Variants in MUC5AC observed in about 807,000 individuals in gnomAD.
MUC5AC encodes mucin 5AC, oligomeric mucus/gel-forming.
Under a neutral mutation model 169.7 loss-of-function variants are expected in MUC5AC, and 158 were observed. That is an observed-to-expected ratio of 0.93 (90% CI 0.82 to 1.06). The LOEUF (loss-of-function observed/expected upper bound fraction) is 1.06, where lower values mean the gene tolerates loss of function less well. Among genes scored for constraint, MUC5AC ranks in the 50% least tolerant of loss-of-function variants. MUC5AC has a pLI of 0.00. For synonymous variants in MUC5AC, 1,975 were observed against 1,237.0 expected (o/e 1.60, Z -12.52); for missense variants, 4,359 against 3,089.9 (o/e 1.41, Z -9.74).
At position 1,174,799 on chromosome 11, in the gene MUC5AC, C is replaced by T. The variant is rs1364112300; in HGVS notation, c.2093-83C>T. 3.5e-5 allele frequency: 16 copies of T among 453,596 alleles called. 1 individual carries two copies. The highest frequency in any genetic ancestry group is 7.0e-5 in the East Asian group (2 of 28,724). The allele number at this position is 453,596 out of a possible 1,614,324, so 28.1% of individuals were successfully genotyped here. On this transcript the variant is annotated intron_variant, in intron 17 of 48. Coordinates refer to ENST00000621226, the MANE Select transcript of MUC5AC (RefSeq NM_001304359.2). ...GCCGAGGAGGGGAGGGGAGGGTAGC[C>T]GAGAGGGCTGGGCTCACTCACTGCT...
chr11:1,189,272 A>C lies in MUC5AC; in HGVS notation c.11127A>C (p.Thr3709=), dbSNP rs1339260148. The C allele has an allele frequency of 1.7e-6, 1 of 586,304 alleles. No homozygotes were observed. Among genetic ancestry groups the C allele is most frequent in the Non-Finnish European group, 3.0e-6 (1 of 329,722 alleles). The allele number at this position is 586,304 out of a possible 1,614,324, so 36.3% of individuals were successfully genotyped here. A position where few individuals can be genotyped will look rare whatever the true frequency, so the allele number is the denominator to read the frequency against. The change falls in exon 31 of 49, where the codon ACA becomes ACC. Residue 3709 remains threonine, a synonymous_variant. Transcript: ENST00000621226. ...CAACGAGCACAACTTCTGCCCCTACAACCAGCACAACCTCCACTCCACAGA... is the reference window on the plus strand; with the variant it reads ...CAACGAGCACAACTTCTGCCCCTACCACCAGCACAACCTCCACTCCACAGA... ...APTTSTTSAP[T]TSTTSTPQTT... is the part of the protein sequence containing the mutation.
rs1007937986 is a variant in MUC5AC, at chr11:1,161,461, T to A, written c.152-66T>A. The stretch of plus-strand genomic sequence containing the variant: ...GACCTGCTGACTCTGGAACGTCTCC[T>A]CTGGCTGCGGAGCCCCCGCCCCACG... On this transcript the variant is annotated intron_variant, in intron 2 of 48. Transcript: ENST00000621226. 58 of 1,354,790 alleles carry A rather than the reference T, an allele frequency of 4.3e-5. No individual in the cohort carries two copies. The Middle Eastern group carries it at 7.7e-4, about 18-fold the overall frequency. The allele number at this position is 1,354,790 out of a possible 1,614,324, so 83.9% of individuals were successfully genotyped here. A position where few individuals can be genotyped will look rare whatever the true frequency, so the allele number is the denominator to read the frequency against.
At chr11:1,161,418 T>G (rs1860136848) in intron 2 of MUC5AC, 109 bp from the exon 3 acceptor site, 1 of 865,642 alleles carries the variant, frequency 1.2e-6, no homozygotes, top group East Asian at 3.0e-5. Context: ...CGGAGTTGGC[T>G]TCGGAGCCAG....
At chr11:1,173,305 C>T (rs1445494300) in intron 16 of MUC5AC, among the ~76,000 whole-genome samples, 25,555 of 146,378 alleles carry the variant, frequency 0.17, 2,370 homozygotes, top group Non-Finnish European at 0.2. Flanking sequence ...ACTCACTCAC[C>T]CACTCACTCA....
Position 1,197,917 on chromosome 11 carries a change from C to A in MUC5AC, c.16048C>A (p.Arg5350Ser). 1.4e-6 allele frequency: 1 copy of A among 727,150 alleles called. No homozygotes were observed. Among genetic ancestry groups the A allele is most frequent in the East Asian group, 2.5e-5 (1 of 39,260 alleles). The allele number at this position is 727,150 out of a possible 1,614,324, so 45.0% of individuals were successfully genotyped here. The change falls in exon 42 of 49, where the codon CGC becomes AGC. Residue 5350 changes from arginine (R) to serine (S), a missense_variant. By Grantham distance (110) the Arg-to-Ser change is moderately radical. Coordinates refer to ENST00000621226, the MANE Select transcript of MUC5AC (RefSeq NM_001304359.2). ...PQYSCACNTS[R>S]CPAPVGCPEG... ...CGCCCCCGCAGCCTGCAACACCAGCCGCTGCCCCGCGCCCGTGGGCTGTCC... is the reference window on the plus strand; with the variant it reads ...CGCCCCCGCAGCCTGCAACACCAGCAGCTGCCCCGCGCCCGTGGGCTGTCC...
chr11:1,167,845 T>C, intron 11 of MUC5AC, 32 bp from the exon 12 acceptor site: 1 of 1,531,484 alleles, frequency 6.5e-7, no homozygotes, highest in Non-Finnish European at 8.8e-7. Flanking sequence ...TTGGATGGAG[T>C]GTGAGGACCC....
intron 6 of MUC5AC, 100 bp downstream of exon 6, chr11:1,163,145 C>CAGAT: frequency 9.0e-7 from 1 of 1,107,326 alleles, no homozygotes; most frequent in South Asian, 1.3e-5. Flanking sequence ...CACACATGCA[C>CAGAT]AGATACACGG....
Position 1,186,286 on chromosome 11 carries a change from C to A in MUC5AC, c.8141C>A (p.Thr2714Lys). Residue 2714 changes from threonine (T) to lysine (K), a missense_variant, in exon 31 of 49, where the codon ACA becomes AAA. By Grantham distance (78) the Thr-to-Lys change is moderately conservative. Transcript: ENST00000621226. ...ACCAGCACAACCTCTGCTCCCACAA[C>A]AAGCACAACCTCTGCCCCTACAACC... ...PTTSTTSAPT[T>K]STTSAPTTST... The A allele has an allele frequency of 1.4e-6, 1 of 733,810 alleles. No homozygotes were observed. Among genetic ancestry groups the A allele is most frequent in the South Asian group, 1.4e-5 (1 of 70,486 alleles). 45.5% of individuals were successfully genotyped at this position (733,810 alleles called of 1,614,324 possible). A position where few individuals can be genotyped will look rare whatever the true frequency, so the allele number is the denominator to read the frequency against.
Position 1,194,620 on chromosome 11 carries a change from C to T in MUC5AC, c.15140C>T (p.Ser5047Phe), listed in dbSNP as rs1454325758. ...VQVMFSGLIF[S>F]VEVPFSKFAN... ...GTCATGTTCTCCGGCCTCATCTTCTCCGTGGAGGTGCCCTTCAGCAAGTTT... is the reference window on the plus strand; with the variant it reads ...GTCATGTTCTCCGGCCTCATCTTCTTCGTGGAGGTGCCCTTCAGCAAGTTT... The change falls in exon 35 of 49, where the codon TCC becomes TTC. Residue 5047 changes from serine (S) to phenylalanine (F), a missense_variant. Transcript: ENST00000621226. The T allele has an allele frequency of 1.3e-6, 1 of 764,284 alleles. No homozygotes were observed. The highest frequency in any genetic ancestry group is 1.7e-5 in the African/African-American group (1 of 59,140). The allele number at this position is 764,284 out of a possible 1,614,324, so 47.3% of individuals were successfully genotyped here.
chr11:1,183,736 C>T lies in MUC5AC; in HGVS notation c.5591C>T (p.Thr1864Ile). ...ACCTCTAGCAGTCCAGCCCAGACCACTCCTTCAACAACCTCCAAGACCACT... is the reference window on the plus strand; with the variant it reads ...ACCTCTAGCAGTCCAGCCCAGACCATTCCTTCAACAACCTCCAAGACCACT... The part of the protein sequence containing the change: ...GSTSSSPAQT[T>I]PSTTSKTTET... The change falls in exon 31 of 49, where the codon ACT (threonine) becomes ATT (isoleucine). Residue 1864 changes from threonine to isoleucine, a missense_variant. Transcript: ENST00000621226. 1 of 527,282 alleles carries T rather than the reference C, an allele frequency of 1.9e-6. No individual in the cohort carries two copies. Among genetic ancestry groups the T allele is most frequent in the East Asian group, 3.1e-5 (1 of 32,496 alleles). 32.7% of individuals were successfully genotyped at this position (527,282 alleles called of 1,614,324 possible).
intron 22 of MUC5AC, 49 bp downstream of exon 22, chr11:1,177,115 C>A (rs1378150241): frequency 1.0e-5 from 4 of 398,582 alleles, no homozygotes; most frequent in Admixed American, 4.4e-5. Flanking sequence ...TGGCCCGAAG[C>A]TGCTCACTGC....
intron 36 of MUC5AC, 71 bp downstream of exon 36, chr11:1,195,350 G>A (rs1473324120): frequency 5.9e-5 from 43 of 728,872 alleles, no homozygotes; most frequent in Non-Finnish European, 5.8e-5. Context: ...AGGGCTGGAG[G>A]GGAAGAAGCG....
At chr11:1,195,817 G>C in intron 36 of MUC5AC, 59 bp from the exon 37 acceptor site, 2 of 737,860 alleles carry the variant, frequency 2.7e-6, no homozygotes, top group Non-Finnish European at 5.0e-6. Context: ...GGAGCCTGAC[G>C]TGGAGCAGGC....
At position 1,195,205 on chromosome 11, in the gene MUC5AC, G is replaced by T. The variant is rs748942288; in HGVS notation, c.15384G>T (p.Gly5128=). ...GSTTVGPTTV[G]STTVGPTTPP... ...CCACGGTCGGGCCCACCACAGTTGGGTCTACCACGGTCGGGCCCACCACAC... is the reference window on the plus strand; with the variant it reads ...CCACGGTCGGGCCCACCACAGTTGGTTCTACCACGGTCGGGCCCACCACAC... The change falls in exon 36 of 49, where the codon GGG becomes GGT. Residue 5128 remains glycine (G), a synonymous_variant. Transcript: ENST00000621226. 1.3e-6 allele frequency: 1 copy of T among 759,992 alleles called. No homozygotes were observed. Among genetic ancestry groups the T allele is most frequent in the Non-Finnish European group, 2.4e-6 (1 of 415,388 alleles). 47.1% of individuals were successfully genotyped at this position (759,992 alleles called of 1,614,324 possible).
rs771462308 is a variant in MUC5AC at position 1,158,073 on chromosome 11, G to A, written c.73+1G>A. 6.2e-7 allele frequency: 1 copy of A among 1,603,360 alleles called. No homozygotes were observed. Among genetic ancestry groups the A allele is most frequent in the South Asian group, 1.1e-5 (1 of 89,360 alleles). ...GCTCTGGCCTGCACCCGGCATACAG[G>A]TACGGCTTGGCCCCTGGCCGCTCTA... On this transcript the variant is annotated splice_donor_variant, in intron 1 of 48. Transcript: ENST00000621226. LOFTEE classifies it high-confidence loss of function.
chr11:1,164,451 C>T lies in MUC5AC; in HGVS notation c.1048C>T (p.Pro350Ser), dbSNP rs763006815. ...CATGCAGTACCACGAGTGCCGCTCC[C>T]CCTGCGCAGACACCTGCTCCAACCA... ...NNMQYHECRS[P>S]CADTCSNQEH... Residue 350 changes from proline to serine, a missense_variant, in exon 9 of 49, where the codon CCC (proline) becomes TCC (serine). By Grantham distance (74) the Pro-to-Ser change is moderately conservative. Transcript: ENST00000621226. The T allele has an allele frequency of 4.3e-6, 7 of 1,612,160 alleles. No homozygotes were observed. The highest frequency in any genetic ancestry group is 3.3e-5 in the Admixed American group (2 of 59,932).
At position 1,177,439 on chromosome 11, in the gene MUC5AC, C is replaced by T; in HGVS notation, c.2908-15C>T. On this transcript the variant is annotated splice_polypyrimidine_tract_variant and intron_variant, in intron 23 of 48. Transcript: ENST00000621226. The stretch of plus-strand genomic sequence containing the variant: ...GGTTCTTGCTGGGGGCCCTGAGTGA[C>T]CCCTTGCCATGCAGGGCTTCGAGCT... The T allele has an allele frequency of 2.5e-6, 1 of 399,934 alleles. No homozygotes were observed. 24.8% of individuals were successfully genotyped at this position (399,934 alleles called of 1,614,324 possible).
Position 1,185,575 on chromosome 11 carries a change from C to A in MUC5AC, c.7430C>A (p.Thr2477Asn). Residue 2477 changes from threonine (T) to asparagine (N), a missense_variant, in exon 31 of 49, where the codon ACC becomes AAC. Thr to Asn is a moderately conservative substitution (Grantham distance 65). Transcript: ENST00000621226. The part of the protein sequence containing the change: ...RTTSAPKSST[T>N]SAATTSTTSG... The stretch of plus-strand genomic sequence containing the variant: ...ACTTCTGCTCCTAAAAGCAGCACAA[C>A]CTCTGCCGCTACAACCAGCACAACC... 1.4e-6 allele frequency: 1 copy of A among 721,940 alleles called. No homozygotes were observed. The highest frequency in any genetic ancestry group is 1.4e-5 in the South Asian group (1 of 69,376). The allele number at this position is 721,940 out of a possible 1,614,324, so 44.7% of individuals were successfully genotyped here.
At chr11:1,197,353 T>G (rs562265323) in intron 40 of MUC5AC, 115 bp from the exon 41 acceptor site, 2 of 649,768 alleles carry the variant, frequency 3.1e-6, no homozygotes, top group Non-Finnish European at 5.6e-6. Flanking sequence ...GGGTCCTCAG[T>G]GCAGGCCACA....
Sources: gnomAD v4.1 joint callset for allele counts (sites outside exome capture counted in the v4.1 genomes callset) on GRCh38, gnomAD v4.1.1 for gene constraint, MANE v1.5 for transcripts, NCBI Gene and HGNC (gene_info 2026-07-23, HGNC 2026-07-21) for gene names.